Variants in FBXO34 observed in about 807,000 individuals in gnomAD.
FBXO34 encodes F-box protein 34.
Under a neutral mutation model 24.5 loss-of-function variants are expected in FBXO34, and 12 were observed. That is an observed-to-expected ratio of 0.49 (90% CI 0.31 to 0.79). The LOEUF (loss-of-function observed/expected upper bound fraction) is 0.79. Among genes scored for constraint, FBXO34 ranks in the 30% least tolerant of loss-of-function variants. The pLI is 0.04. For synonymous variants in FBXO34, 320 were observed against 311.9 expected, an observed-to-expected ratio of 1.03 and a Z score of -0.27; for missense variants, 823 against 857.7, an observed-to-expected ratio of 0.96 and a Z score of 0.51.
In FBXO34 at chr14:55,272,801, G is replaced by A. The variant is rs1056918850; in HGVS notation, c.-11+1264G>A. 3.3e-5 allele frequency among the ~76,000 whole-genome samples: 5 copies of A among 152,076 alleles called. No homozygotes were observed. In the East Asian group the frequency reaches 5.8e-4, roughly 18 times the overall value. ...CAAGCTGTTTTCTTGCTTTCTTACTGAGACCCGGCTATAACTTAATATAAA... is the reference window on the plus strand; with the variant it reads ...CAAGCTGTTTTCTTGCTTTCTTACTAAGACCCGGCTATAACTTAATATAAA... On this transcript the variant is annotated intron_variant, in intron 1 of 1. Coordinates refer to ENST00000313833, the MANE Select transcript of FBXO34 (RefSeq NM_017943.4).
intron 1 of FBXO34, among the ~76,000 whole-genome samples, chr14:55,305,851 G>A (rs985536778): frequency 5.9e-5 from 9 of 152,186 alleles, no homozygotes; most frequent in Non-Finnish European, 1.2e-4. Flanking sequence ...GTGTATAAGG[G>A]TACACTGATT....
At position 55,332,316 on chromosome 14, in the gene FBXO34, A is replaced by G. The variant is rs144917028; in HGVS notation, c.-10-18065A>G. 2.0e-3 allele frequency among the ~76,000 whole-genome samples: 300 copies of G among 152,062 alleles called. 1 individual carries two copies. Among genetic ancestry groups the G allele is most frequent in the Admixed American group, 5.6e-3 (86 of 15,264 alleles). On this transcript the variant is annotated intron_variant, in intron 1 of 1. Coordinates refer to ENST00000313833, the MANE Select transcript of FBXO34 (RefSeq NM_017943.4). ...TTATCCTTGGGCATTTTTCTCACCTATACATTCCATACATAGTAGCAATAA... is the reference window on the plus strand; with the variant it reads ...TTATCCTTGGGCATTTTTCTCACCTGTACATTCCATACATAGTAGCAATAA...
chr14:55,411,029 C>G, the FBXO34 span, among the ~76,000 whole-genome samples: 1 of 152,260 alleles, frequency 6.6e-6, no homozygotes, highest in Admixed American at 6.5e-5. Flanking sequence ...AACACGTTCC[C>G]AAATTCCTAA....
At chr14:55,318,598 C>T (rs895500974) in intron 1 of FBXO34, among the ~76,000 whole-genome samples, 29 of 150,814 alleles carry the variant, frequency 1.9e-4, no homozygotes, top group African/African-American at 5.1e-4. Flanking sequence ...CTCCTGGCCT[C>T]AAGTGATCCT....
At chr14:55,336,249 T>C (rs1883771289) in intron 1 of FBXO34, among the ~76,000 whole-genome samples, 1 of 152,250 alleles carries the variant, frequency 6.6e-6, no homozygotes, top group Non-Finnish European at 1.5e-5. Flanking sequence ...TTTTTATCTT[T>C]TAAAAATTGC....
the FBXO34 span, among the ~76,000 whole-genome samples, chr14:55,394,484 T>C: frequency 2.0e-5 from 3 of 152,204 alleles, no homozygotes; most frequent in Non-Finnish European, 4.4e-5. Context: ...ACTTTCCTTA[T>C]AAAGTCATCA....
At chr14:55,423,593 A>G in the FBXO34 span, among the ~76,000 whole-genome samples, 1 of 152,258 alleles carries the variant, frequency 6.6e-6, no homozygotes, top group Non-Finnish European at 1.5e-5. Flanking sequence ...TTGTTAGCCT[A>G]TGAGCTAAGA....
chr14:55,298,308 T>C (rs948442424), intron 1 of FBXO34, among the ~76,000 whole-genome samples: 3 of 152,120 alleles, frequency 2.0e-5, no homozygotes, highest in African/African-American at 4.8e-5. Context: ...AGCCAAAAGA[T>C]TGGACACCCC....
At chr14:55,281,359 C>G (rs893941763) in intron 1 of FBXO34, among the ~76,000 whole-genome samples, 12 of 151,182 alleles carry the variant, frequency 7.9e-5, no homozygotes, top group Admixed American at 2.6e-4. Context: ...TAGGACAGAT[C>G]TAGACCAATG....
the FBXO34 span, among the ~76,000 whole-genome samples, chr14:55,412,770 A>T: frequency 6.6e-6 from 1 of 152,202 alleles, no homozygotes; most frequent in Non-Finnish European, 1.5e-5. Flanking sequence ...CCATACCCAA[A>T]GATCCAGAAC....
At chr14:55,326,080 C>CA (rs1288529616) in intron 1 of FBXO34, 1 of 152,196 alleles carries the variant, frequency 6.6e-6, no homozygotes, top group African/African-American at 2.4e-5. Flanking sequence ...ATGGCCTATT[C>CA]AAGGTGTTTC....
chr14:55,370,700 G>A (rs1356765776), downstream of FBXO34, among the ~76,000 whole-genome samples: 1 of 151,804 alleles, frequency 6.6e-6, no homozygotes, highest in African/African-American at 2.4e-5. Flanking sequence ...GGAGTGCAGT[G>A]GCGCCATCTT....
intron 1 of FBXO34, among the ~76,000 whole-genome samples, chr14:55,304,613 C>T (rs1882477603): frequency 6.6e-6 from 1 of 152,126 alleles, no homozygotes; most frequent in East Asian, 1.9e-4. Context: ...TGATCCTCTG[C>T]CTCAGCCTCT....
chr14:55,408,755 A>G, the FBXO34 span, among the ~76,000 whole-genome samples: 3 of 152,310 alleles, frequency 2.0e-5, no homozygotes, highest in East Asian at 5.8e-4. Context: ...TCGGTGACAG[A>G]GCAAGATCCT....
chr14:55,414,370 A>G, the FBXO34 span: 5 of 1,588,538 alleles, frequency 3.1e-6, no homozygotes, highest in Non-Finnish European at 4.3e-6. Flanking sequence ...GAGATGCTGA[A>G]TGATATGCTC....
intron 1 of FBXO34, among the ~76,000 whole-genome samples, chr14:55,345,616 A>G (rs948337239): frequency 1.3e-5 from 2 of 152,066 alleles, no homozygotes; most frequent in African/African-American, 4.8e-5. Context: ...CATTTGTTGT[A>G]ATTGTTTGCT....
At chr14:55,363,023 C>T (rs113176728), downstream of FBXO34, among the ~76,000 whole-genome samples, 5,761 of 132,292 alleles carry the variant, frequency 0.044, 404 homozygotes, top group African/African-American at 0.15. Flanking sequence ...TTCTCTCTCT[C>T]TTTTTTTTTT....
In FBXO34 at chr14:55,350,981, T is replaced by A. The variant is rs1884341642; in HGVS notation, c.591T>A (p.Asp197Glu). The change falls in exon 2 of 2, where the codon GAT (aspartate) becomes GAA (glutamate). Residue 197 changes from aspartate to glutamate, a missense_variant. By Grantham distance (45) the Asp-to-Glu change is conservative (BLOSUM62 2). Coordinates refer to ENST00000313833, the MANE Select transcript of FBXO34 (RefSeq NM_017943.4). The stretch of plus-strand genomic sequence containing the variant: ...TGCACTATGTGAGTGACAGTGGGGA[T>A]GGAGTCTATGCTGGGAGGCCTCTGT... ...CSVHYVSDSG[D>E]GVYAGRPLSV... 1 of 1,614,078 alleles carries A rather than the reference T, an allele frequency of 6.2e-7. No individual in the cohort carries two copies. Among genetic ancestry groups the A allele is most frequent in the Non-Finnish European group, 8.5e-7 (1 of 1,180,036 alleles).
the FBXO34 span, among the ~76,000 whole-genome samples, chr14:55,401,245 CTT>C: frequency 1.3e-5 from 2 of 150,814 alleles, no homozygotes; most frequent in Non-Finnish European, 2.9e-5. Context: ...TCCCTATGTC[CTT>C]CATCCAATTT....
Sources: gnomAD v4.1 joint callset for allele counts (sites outside exome capture counted in the v4.1 genomes callset) on GRCh38, gnomAD v4.1.1 for gene constraint, MANE v1.5 for transcripts, NCBI Gene and HGNC (gene_info 2026-07-23, HGNC 2026-07-21) for gene names.